The following NEGR1 variants were observed in gnomAD, a reference collection of about 807,000 sequenced individuals.
NEGR1 encodes the protein neuronal growth regulator 1, also known as IgLON family member 4.
In NEGR1, 10 loss-of-function variants were observed where a neutral mutation model predicts 40.9. The observed-to-expected ratio is 0.24, with a 90% confidence interval of 0.15 to 0.42. The LOEUF (loss-of-function observed/expected upper bound fraction) is 0.42, where lower values mean the gene tolerates loss of function less well. NEGR1 is among the 10% of genes least tolerant of loss of function. The probability of loss-of-function intolerance (pLI) is 1.00; values close to 1 mark genes in which losing one functional copy is unlikely to be tolerated. For missense variants in NEGR1, 352 were observed against 438.9 expected (o/e 0.80, Z 1.77); for synonymous variants, 185 against 166.8 (o/e 1.11, Z -0.84).
At chr1:71,426,002 G>A (rs1426002004) in intron 6 of NEGR1, among the ~76,000 whole-genome samples, 2 of 152,036 alleles carry the variant, frequency 1.3e-5, no homozygotes, top group South Asian at 2.1e-4. Flanking sequence ...TCTGGACTAC[G>A]ACACTCATTA....
chr1:72,169,317 G>C (rs1184907287), intron 1 of NEGR1, among the ~76,000 whole-genome samples: 2 of 152,016 alleles, frequency 1.3e-5, no homozygotes, highest in African/African-American at 4.8e-5. Flanking sequence ...TGAAAAATCA[G>C]CAAGATGTAA....
intron 4 of NEGR1, among the ~76,000 whole-genome samples, chr1:71,670,141 G>A (rs1272675209): frequency 6.6e-6 from 1 of 152,042 alleles, no homozygotes; most frequent in African/African-American, 2.4e-5. Context: ...TCATCTACCA[G>A]TGATGAATTA....
At chr1:72,272,800 A>G (rs1048562259) in intron 1 of NEGR1, among the ~76,000 whole-genome samples, 2 of 152,002 alleles carry the variant, frequency 1.3e-5, no homozygotes, top group Non-Finnish European at 2.9e-5. Flanking sequence ...TTCAGTAAAG[A>G]ACAACTTTGT....
At chr1:71,937,670 A>G (rs1645920247) in intron 1 of NEGR1, among the ~76,000 whole-genome samples, 1 of 152,202 alleles carries the variant, frequency 6.6e-6, no homozygotes, top group African/African-American at 2.4e-5. Flanking sequence ...CAGATCAAAG[A>G]CTTTTAAAAT....
At chr1:72,007,901 A>AT (rs1250611138) in intron 1 of NEGR1, among the ~76,000 whole-genome samples, 2 of 152,140 alleles carry the variant, frequency 1.3e-5, no homozygotes. Flanking sequence ...CAAGTTAGCC[A>AT]TTTTATGGCT....
chr1:71,568,941 G>A (rs1246832646), intron 6 of NEGR1, among the ~76,000 whole-genome samples: 3 of 147,854 alleles, frequency 2.0e-5, no homozygotes, highest in South Asian at 4.3e-4. Flanking sequence ...TTTTGGAGAC[G>A]GAGTCTCGCT....
At chr1:71,411,690 T>C (rs539352765) in intron 6 of NEGR1, among the ~76,000 whole-genome samples, 1 of 152,192 alleles carries the variant, frequency 6.6e-6, no homozygotes, top group South Asian at 2.1e-4. Context: ...TAGATTGTAC[T>C]AGGAAAGGCA....
chr1:71,451,116 G>A (rs1312572251), intron 6 of NEGR1, among the ~76,000 whole-genome samples: 2 of 152,172 alleles, frequency 1.3e-5, no homozygotes, highest in South Asian at 4.1e-4. Flanking sequence ...TTTGGAAGAT[G>A]CCCCTCCCCG....
chr1:71,785,318 G>A (rs556221558), intron 2 of NEGR1, among the ~76,000 whole-genome samples: 3 of 152,200 alleles, frequency 2.0e-5, no homozygotes, highest in Non-Finnish European at 2.9e-5. Context: ...GAAGAACACC[G>A]CAATTGAAAT....
At chr1:72,105,355 G>C (rs903583492) in intron 1 of NEGR1, among the ~76,000 whole-genome samples, 1 of 151,986 alleles carries the variant, frequency 6.6e-6, no homozygotes, top group African/African-American at 2.4e-5. Context: ...TCTAGGAAGT[G>C]AGTAATGAGA....
At chr1:71,973,478 A>G (rs1188384040) in intron 1 of NEGR1, among the ~76,000 whole-genome samples, 1 of 152,178 alleles carries the variant, frequency 6.6e-6, no homozygotes, top group Non-Finnish European at 1.5e-5. Flanking sequence ...TCAATTTGTT[A>G]TAAAAGCTCT....
At chr1:71,829,677 A>C (rs1055505272) in intron 2 of NEGR1, among the ~76,000 whole-genome samples, 15 of 152,068 alleles carry the variant, frequency 9.9e-5, no homozygotes, top group African/African-American at 2.9e-4. Context: ...AAACAAAAAA[A>C]CGTAAACAAA....
chr1:71,671,000 C>G (rs557557825), intron 4 of NEGR1, among the ~76,000 whole-genome samples: 1 of 152,116 alleles, frequency 6.6e-6, no homozygotes, highest in Non-Finnish European at 1.5e-5. Flanking sequence ...GAGTCTACCT[C>G]AAAGCACTTT....
intron 2 of NEGR1, among the ~76,000 whole-genome samples, chr1:71,782,143 G>T (rs560331600): frequency 6.6e-6 from 1 of 152,054 alleles, no homozygotes; most frequent in Non-Finnish European, 1.5e-5. Context: ...CTATTAGGAG[G>T]TGGGGCCTTG....
intron 3 of NEGR1, among the ~76,000 whole-genome samples, chr1:71,716,317 A>G (rs1301149340): frequency 6.6e-6 from 1 of 152,118 alleles, no homozygotes; most frequent in African/African-American, 2.4e-5. Context: ...CACAGAGCCA[A>G]ACCATATCAC....
At chr1:72,132,883 T>A (rs1304166516) in intron 1 of NEGR1, among the ~76,000 whole-genome samples, 1 of 152,078 alleles carries the variant, frequency 6.6e-6, no homozygotes, top group Non-Finnish European at 1.5e-5. Context: ...GTTGAATGAT[T>A]TTTTTTCCAT....
intron 1 of NEGR1, among the ~76,000 whole-genome samples, chr1:71,957,458 G>C (rs1646128691): frequency 6.6e-6 from 1 of 151,992 alleles, no homozygotes; most frequent in South Asian, 2.1e-4. Flanking sequence ...TATATACTTG[G>C]TATTTTTATG....
At chr1:71,904,539 C>T (rs1661226534) in intron 2 of NEGR1, among the ~76,000 whole-genome samples, 1 of 152,082 alleles carries the variant, frequency 6.6e-6, no homozygotes. Flanking sequence ...AGTTTTATCT[C>T]TATTTGTCAT....
intron 6 of NEGR1, among the ~76,000 whole-genome samples, chr1:71,505,494 A>T (rs1569959974): frequency 6.6e-6 from 1 of 151,828 alleles, no homozygotes; most frequent in Non-Finnish European, 1.5e-5. Context: ...TGTTAGCCAG[A>T]ATGGTCTCAA....
Sources: gnomAD v4.1 joint callset for allele counts (sites outside exome capture counted in the v4.1 genomes callset) on GRCh38, gnomAD v4.1.1 for gene constraint, MANE v1.5 for transcripts, NCBI Gene and HGNC (gene_info 2026-07-23, HGNC 2026-07-21) for gene names.